The following PVT1 variants were observed in gnomAD, a reference collection of about 807,000 sequenced individuals.
The protein encoded by PVT1 is CXCR4/PVT1 fusion.
chr8:127,969,833 A>C lies in PVT1; in HGVS notation n.783-19329A>C, dbSNP rs571318859. On this transcript the variant is annotated intron_variant and non_coding_transcript_variant, in intron 3 of 10. Coordinates refer to ENST00000651587, the Ensembl canonical transcript of PVT1. ...ACAGTTTACCAGTGCAAGTGCTGGG[A>C]TTGAACCCTGGCCTGTCTGACATAG... 3.3e-4 allele frequency among the ~76,000 whole-genome samples: 50 copies of C among 152,308 alleles called. No individual in the cohort carries two copies. The South Asian group carries it at 5.4e-3, about 16-fold the overall frequency.
chr8:127,918,354 G>C (rs1459982439), intron 3 of PVT1, among the ~76,000 whole-genome samples: 1 of 149,588 alleles, frequency 6.7e-6, no homozygotes, highest in Non-Finnish European at 1.5e-5. Flanking sequence ...TGGCTGGCTA[G>C]ATTGGAAAGG....
intron 6 of PVT1, among the ~76,000 whole-genome samples, chr8:128,098,546 G>A (rs1251210271): frequency 2.0e-5 from 3 of 152,182 alleles, no homozygotes. Context: ...AGGTAGAGAG[G>A]CCATGTTCTG....
At chr8:127,839,933 G>C (rs925082533) in intron 2 of PVT1, among the ~76,000 whole-genome samples, 1 of 152,198 alleles carries the variant, frequency 6.6e-6, no homozygotes, top group Admixed American at 6.5e-5. Context: ...CCTCCTGCTG[G>C]TGCCTCCCAT....
intron 2 of PVT1, among the ~76,000 whole-genome samples, chr8:127,819,521 G>T (rs181337619): frequency 2.0e-5 from 3 of 152,196 alleles, no homozygotes; most frequent in African/African-American, 7.2e-5. Context: ...AGCAGGGCAC[G>T]CTGGGATTTG....
At chr8:127,999,609 A>ACT (rs1817151788) in intron 4 of PVT1, among the ~76,000 whole-genome samples, 1 of 151,990 alleles carries the variant, frequency 6.6e-6, no homozygotes, top group African/African-American at 2.4e-5. Context: ...TTACAGGTGC[A>ACT]CACCACCACA....
At chr8:127,969,212 T>C (rs1318501843) in intron 3 of PVT1, among the ~76,000 whole-genome samples, 1 of 152,186 alleles carries the variant, frequency 6.6e-6, no homozygotes, top group African/African-American at 2.4e-5. Context: ...TCTTCATTAT[T>C]AATGGGTATT....
At chr8:128,041,761 T>C (rs1048872140) in intron 4 of PVT1, among the ~76,000 whole-genome samples, 1 of 152,142 alleles carries the variant, frequency 6.6e-6, no homozygotes, top group Non-Finnish European at 1.5e-5. Flanking sequence ...TTGCTATGTG[T>C]CAAGCATCCC....
chr8:128,049,672 G>A (rs972535786), intron 4 of PVT1, among the ~76,000 whole-genome samples: 2 of 151,960 alleles, frequency 1.3e-5, no homozygotes, highest in African/African-American at 4.8e-5. Context: ...GCACTGGCAG[G>A]ATGGGAAGGC....
intron 2 of PVT1, among the ~76,000 whole-genome samples, chr8:127,834,889 C>A (rs1353357286): frequency 6.6e-6 from 1 of 152,142 alleles, no homozygotes; most frequent in Non-Finnish European, 1.5e-5. Flanking sequence ...ATCAAAACCA[C>A]AATGAGATAC....
chr8:127,985,893 C>A (rs1406842972), intron 3 of PVT1, among the ~76,000 whole-genome samples: 1 of 152,202 alleles, frequency 6.6e-6, no homozygotes, highest in Non-Finnish European at 1.5e-5. Flanking sequence ...CTGTCTCCTG[C>A]CAAGTGGCCA....
At chr8:128,016,822 G>C (rs1485886960) in intron 4 of PVT1, among the ~76,000 whole-genome samples, 1 of 152,222 alleles carries the variant, frequency 6.6e-6, no homozygotes, top group Non-Finnish European at 1.5e-5. Context: ...GTGGAAACTT[G>C]AAGTTTGGAG....
rs192784912 is a variant in PVT1, at chr8:127,865,251, G to A, written n.373-25338G>A. Among the ~76,000 whole-genome samples the A allele has an allele frequency of 1.4e-4, 21 of 152,300 alleles. No individual in the cohort carries two copies. The East Asian group carries it at 4.0e-3, about 29-fold the overall frequency. On this transcript the variant is annotated intron_variant and non_coding_transcript_variant, in intron 2 of 10. Transcript: ENST00000651587. ...GCTTTTTCAGAAGGACAAGGTGGTA[G>A]GTGCCAATCTGGGGGCTTTGCAGAT... is the stretch of plus-strand genomic sequence containing the variant.
intron 3 of PVT1, among the ~76,000 whole-genome samples, chr8:127,934,312 G>A (rs1290070977): frequency 6.6e-6 from 1 of 152,196 alleles, no homozygotes; most frequent in East Asian, 1.9e-4. Flanking sequence ...TGGTAAAGGT[G>A]ATAAATAAGA....
chr8:128,044,518 C>T (rs1586495661), intron 4 of PVT1, among the ~76,000 whole-genome samples: 1 of 152,330 alleles, frequency 6.6e-6, no homozygotes, highest in African/African-American at 2.4e-5. Flanking sequence ...ACAGGCAAAT[C>T]TGGGCCCAGA....
intron 2 of PVT1, among the ~76,000 whole-genome samples, chr8:127,856,135 AT>A (rs1225834323): frequency 6.6e-6 from 1 of 152,176 alleles, no homozygotes; most frequent in Non-Finnish European, 1.5e-5. Flanking sequence ...GAAAGGAAGA[AT>A]TTCCATACCT....
intron 4 of PVT1, among the ~76,000 whole-genome samples, chr8:128,052,869 A>G (rs1286699768): frequency 6.6e-6 from 1 of 152,272 alleles, no homozygotes. Flanking sequence ...CAAGGCACAC[A>G]AAGGCTAAGT....
intron 4 of PVT1, among the ~76,000 whole-genome samples, chr8:128,059,760 C>T (rs914841208): frequency 5.9e-5 from 9 of 152,104 alleles, no homozygotes; most frequent in African/African-American, 1.4e-4. Flanking sequence ...TCATACCATC[C>T]CCATTTTACA....
In PVT1 at chr8:128,097,703, G is replaced by A. The variant is rs117534279; in HGVS notation, n.1251+1049G>A. 2.6e-3 allele frequency among the ~76,000 whole-genome samples: 391 copies of A among 152,266 alleles called. 12 individuals are homozygous for A. The East Asian group carries it at 0.061, about 24-fold the overall frequency. ...CATGGAGAAACTAAGGCATGGAGAGGTTTAACTCGTTTACCTGAGAATCTA... is the reference window on the plus strand; with the variant it reads ...CATGGAGAAACTAAGGCATGGAGAGATTTAACTCGTTTACCTGAGAATCTA... On this transcript the variant is annotated intron_variant and non_coding_transcript_variant, in intron 6 of 10. Coordinates refer to ENST00000651587, the Ensembl canonical transcript of PVT1.
At chr8:127,846,364 C>T (rs1266239532) in intron 2 of PVT1, among the ~76,000 whole-genome samples, 1 of 152,190 alleles carries the variant, frequency 6.6e-6, no homozygotes, top group African/African-American at 2.4e-5. Context: ...TTCCTGGTCT[C>T]CTCTCTCTCC....
Sources: allele counts gnomAD v4.1 joint callset (sites outside exome capture counted in the v4.1 genomes callset), GRCh38; gene constraint gnomAD v4.1.1; transcripts MANE v1.5; gene names NCBI Gene and HGNC (gene_info 2026-07-23, HGNC 2026-07-21).